PCDHGA2: variants seen among roughly 807,000 people sequenced by gnomAD.
PCDHGA2 encodes the protein protocadherin gamma subfamily A, 2.
In PCDHGA2, 40 loss-of-function variants were observed where a neutral mutation model predicts 59.2. The observed-to-expected ratio is 0.68, with a 90% CI of 0.52 to 0.88. PCDHGA2 has a LOEUF of 0.88. Among genes scored for constraint, PCDHGA2 ranks in the 40% least tolerant of loss-of-function variants. The pLI is 0.00. For missense variants in PCDHGA2, 1,226 were observed against 1,204.0 expected, an observed-to-expected ratio of 1.02 and a Z score of -0.27; for synonymous variants, 560 against 526.0, an observed-to-expected ratio of 1.06 and a Z score of -0.89.
chr5:141,485,866 C>T lies in PCDHGA2; in HGVS notation c.2425-8941C>T. The T allele has an allele frequency of 2.5e-6, 4 of 1,614,144 alleles. No individual in the cohort carries two copies. Among genetic ancestry groups the T allele is most frequent in the Non-Finnish European group, 3.4e-6 (4 of 1,180,014 alleles). On this transcript the variant is annotated intron_variant, in intron 1 of 3. Coordinates refer to ENST00000394576, the MANE Select transcript of PCDHGA2 (RefSeq NM_018915.4). The surrounding 1 kb of genome is among the most constrained non-coding windows in gnomAD (Gnocchi z 5.7). ...CTGGCACCGCAGAGCTCCGGGTATCCGTGCTGGACGTAAACGACAACGCCC... is the reference window on the plus strand; with the variant it reads ...CTGGCACCGCAGAGCTCCGGGTATCTGTGCTGGACGTAAACGACAACGCCC...
At chr5:141,414,904 A>G in intron 1 of PCDHGA2, 2 of 1,614,190 alleles carry the variant, frequency 1.2e-6, no homozygotes, top group Non-Finnish European at 1.7e-6. Context: ...AGACGGTTCC[A>G]CAGGCGTGGA....
Position 141,340,429 on chromosome 5 carries a change from T to A in PCDHGA2, c.1458T>A (p.His486Gln). 4 of 1,614,228 alleles carry A rather than the reference T, an allele frequency of 2.5e-6. No homozygotes were observed. The highest frequency in any genetic ancestry group is 3.4e-6 in the Non-Finnish European group (4 of 1,180,046). Residue 486 changes from histidine (H) to glutamine (Q), a missense_variant, in exon 1 of 4, where the codon CAT becomes CAA. Coordinates refer to ENST00000394576, the MANE Select transcript of PCDHGA2 (RefSeq NM_018915.4). ...AHDPDSNDNA[H>Q]VTYSFAEDTV... is the part of the protein sequence containing the mutation. ...ACCCCGACAGCAACGACAATGCTCA[T>A]GTAACTTACTCTTTCGCGGAGGACA...
chr5:141,383,192 A>T, intron 1 of PCDHGA2: 1 of 1,614,092 alleles, frequency 6.2e-7, no homozygotes, highest in Non-Finnish European at 8.5e-7. Context: ...ATCTGCGCTC[A>T]GAGTGCGCGG....
chr5:141,346,259 C>A (rs764310422), intron 1 of PCDHGA2: 1 of 1,614,196 alleles, frequency 6.2e-7, no homozygotes. Flanking sequence ...ACTTTGTGGG[C>A]GCGGACGGGG....
intron 1 of PCDHGA2, chr5:141,344,343 G>C (rs1436630815): frequency 1.2e-6 from 2 of 1,613,962 alleles, no homozygotes; most frequent in South Asian, 1.1e-5. Flanking sequence ...GCTGTGTCTG[G>C]TAAAAATTAA....
chr5:141,379,137 C>A (rs1322597414), intron 1 of PCDHGA2: 2 of 152,216 alleles, frequency 1.3e-5, no homozygotes, highest in African/African-American at 2.4e-5. Context: ...AAATGAGAAC[C>A]TCCTTTGTAA....
At chr5:141,342,176 C>T (rs1323667344) in intron 1 of PCDHGA2, 3 of 151,858 alleles carry the variant, frequency 2.0e-5, no homozygotes, top group African/African-American at 7.3e-5. Flanking sequence ...AATATATATC[C>T]TCAATATAGT....
intron 1 of PCDHGA2, among the ~76,000 whole-genome samples, chr5:141,456,572 C>T (rs958661783): frequency 6.6e-6 from 1 of 152,168 alleles, no homozygotes; most frequent in Non-Finnish European, 1.5e-5. Flanking sequence ...CCACATTTTC[C>T]CTGAGCCTGT....
chr5:141,395,115 C>T (rs1380601635), intron 1 of PCDHGA2: 1 of 1,614,192 alleles, frequency 6.2e-7, no homozygotes. Context: ...GAAGAGTCAC[C>T]TGATCTTTCC....
At chr5:141,371,681 T>A (rs529874051) in intron 1 of PCDHGA2, 27 of 1,613,832 alleles carry the variant, frequency 1.7e-5, no homozygotes, top group Non-Finnish European at 2.0e-5. Flanking sequence ...ACAAAGGCAA[T>A]CCACCGCTCT....
At chr5:141,401,296 C>A (rs2094138441) in intron 1 of PCDHGA2, among the ~76,000 whole-genome samples, 1 of 152,104 alleles carries the variant, frequency 6.6e-6, no homozygotes, top group Non-Finnish European at 1.5e-5. Flanking sequence ...GAGCCGAGAT[C>A]ACTCCATTGC....
intron 1 of PCDHGA2, chr5:141,366,943 A>G (rs1481461689): frequency 3.9e-6 from 3 of 775,624 alleles, no homozygotes; most frequent in Non-Finnish European, 5.9e-6. Context: ...AGTCTAGCTG[A>G]TATCTGTAGA....
intron 1 of PCDHGA2, chr5:141,408,661 G>T (rs1462103250): frequency 1.2e-6 from 2 of 1,613,888 alleles, no homozygotes; most frequent in Middle Eastern, 3.3e-4. Context: ...CACGACTATC[G>T]CTTGACCCTG....
In PCDHGA2 at chr5:141,485,115, G is replaced by A. The variant is rs1043877839; in HGVS notation, c.2425-9692G>A. 6.9e-6 allele frequency: 9 copies of A among 1,300,470 alleles called. No individual in the cohort carries two copies. Among genetic ancestry groups the A allele is most frequent in the Non-Finnish European group, 1.1e-6 (1 of 911,406 alleles). 80.6% of individuals were successfully genotyped at this position (1,300,470 alleles called of 1,614,324 possible). ...GTGTCTCCAGCTGCTGTGGCTGTTT[G>A]GGGCGGGTCGGCTTCATCCGCGTCT... On this transcript the variant is annotated intron_variant, in intron 1 of 3. Coordinates refer to ENST00000394576, the MANE Select transcript of PCDHGA2 (RefSeq NM_018915.4). The surrounding 1 kb of genome is among the most constrained non-coding windows in gnomAD (Gnocchi z 5.7).
At chr5:141,423,785 A>G (rs531378008) in intron 1 of PCDHGA2, 48 of 1,269,536 alleles carry the variant, frequency 3.8e-5, no homozygotes, top group Non-Finnish European at 4.4e-5. Context: ...TTTAGTTCAT[A>G]TATATTTAGA....
rs755322315 is a variant in PCDHGA2, at chr5:141,339,578, G to C, written c.607G>C (p.Glu203Gln). The change falls in exon 1 of 4, where the codon GAG (glutamate) becomes CAG (glutamine). Residue 203 changes from glutamate (E) to glutamine (Q), a missense_variant. Coordinates refer to ENST00000394576, the MANE Select transcript of PCDHGA2 (RefSeq NM_018915.4). ...ELVLERSLDR[E>Q]EEAVHHLVLV... ...GGTGCTGGAGCGCTCTCTGGACCGCGAGGAAGAGGCTGTTCACCACCTCGT... is the reference window on the plus strand; with the variant it reads ...GGTGCTGGAGCGCTCTCTGGACCGCCAGGAAGAGGCTGTTCACCACCTCGT... 1.2e-6 allele frequency: 2 copies of C among 1,614,206 alleles called. No homozygotes were observed.
chr5:141,349,390 A>C (rs893933171), intron 1 of PCDHGA2, among the ~76,000 whole-genome samples: 2 of 152,168 alleles, frequency 1.3e-5, no homozygotes, highest in Non-Finnish European at 2.9e-5. Context: ...CATTCATATA[A>C]AAAAGAAGCA....
intron 1 of PCDHGA2, chr5:141,410,801 A>G (rs2095424401): frequency 3.4e-6 from 2 of 587,942 alleles, no homozygotes; most frequent in Admixed American, 4.2e-5. Context: ...AAGTTGCTCT[A>G]TCTTTTTGTA....
chr5:141,485,546 G>C lies in PCDHGA2; in HGVS notation c.2425-9261G>C. The C allele has an allele frequency of 6.2e-7, 1 of 1,614,074 alleles. No individual in the cohort carries two copies. ...GTACCGAGCAGAGGTAGAGATCGTA[G>C]ATGTGAATGATCACGCCCCCCGTTT... is the stretch of plus-strand genomic sequence containing the variant. On this transcript the variant is annotated intron_variant, in intron 1 of 3. Coordinates refer to ENST00000394576, the MANE Select transcript of PCDHGA2 (RefSeq NM_018915.4). The surrounding 1 kb of genome is among the most constrained non-coding windows in gnomAD (Gnocchi z 5.7).
Sources: allele counts gnomAD v4.1 joint callset (sites outside exome capture counted in the v4.1 genomes callset), GRCh38; gene constraint gnomAD v4.1.1; non-coding constraint Gnocchi (gnomAD v3.1); transcripts MANE v1.5; gene names NCBI Gene and HGNC (gene_info 2026-07-23, HGNC 2026-07-21).